The following FAM13A variants were observed in gnomAD, a reference collection of about 807,000 sequenced individuals.
The protein encoded by FAM13A is family with sequence similarity 13 member A, also known as protein FAM13A.
Under a neutral mutation model 129.6 loss-of-function variants are expected in FAM13A, and 76 were observed. That is an observed-to-expected ratio of 0.59 (90% confidence interval 0.49 to 0.71). The LOEUF is 0.71. Ranked by LOEUF, FAM13A falls within the 30% of genes least tolerant of loss-of-function variation. The pLI, the probability that FAM13A is intolerant of heterozygous loss-of-function variation, is 0.00. For synonymous variants in FAM13A, 443 were observed against 449.9 expected (o/e 0.98, Z 0.20); for missense variants, 1,108 against 1,249.3 (o/e 0.89, Z 1.70).
chr4:88,768,077 T>C lies in FAM13A; in HGVS notation c.1459-18A>G, dbSNP rs201752792. Reference sequence around the variant, plus strand: ...TCCATATTCTGTAACAGAACCATTATTGGTTGCCTAATAGGAATGGTAAGA... The same window carrying C: ...TCCATATTCTGTAACAGAACCATTACTGGTTGCCTAATAGGAATGGTAAGA... On this transcript the variant is annotated intron_variant, in intron 11 of 23. Coordinates refer to ENST00000264344, the MANE Select transcript of FAM13A (RefSeq NM_014883.4). 29 of 1,502,560 alleles carry C rather than the reference T, an allele frequency of 1.9e-5. No homozygotes were observed. Among genetic ancestry groups the C allele is most frequent in the Admixed American group, 3.4e-5 (2 of 59,602 alleles). 93.1% of individuals were successfully genotyped at this position (1,502,560 alleles called of 1,614,324 possible).
intron 5 of FAM13A, among the ~76,000 whole-genome samples, chr4:88,925,958 C>T (rs1385197280): frequency 6.6e-6 from 1 of 151,920 alleles, no homozygotes; most frequent in African/African-American, 2.4e-5. Flanking sequence ...TGGACCCGCA[C>T]CAACTTAACC....
At chr4:88,918,751 T>G (rs1451703338) in intron 5 of FAM13A, among the ~76,000 whole-genome samples, 1 of 152,224 alleles carries the variant, frequency 6.6e-6, no homozygotes, top group African/African-American at 2.4e-5. Flanking sequence ...AACTAAGCTT[T>G]GTGGCAGTGG....
At chr4:88,877,330 G>A (rs1742704248) in intron 6 of FAM13A, among the ~76,000 whole-genome samples, 1 of 152,114 alleles carries the variant, frequency 6.6e-6, no homozygotes, top group South Asian at 2.1e-4. Context: ...ATAATTCTAA[G>A]AAATGAATCT....
intron 6 of FAM13A, among the ~76,000 whole-genome samples, chr4:88,869,580 C>T (rs544549894): frequency 1.6e-3 from 241 of 152,332 alleles, no homozygotes; most frequent in Non-Finnish European, 3.1e-3. Flanking sequence ...TTAAATCAGG[C>T]ACCCTTGTTA....
chr4:88,925,573 G>A (rs1418832533), intron 5 of FAM13A, among the ~76,000 whole-genome samples: 2 of 130,536 alleles, frequency 1.5e-5, no homozygotes, highest in East Asian at 5.4e-4. Context: ...GGGGAGGGGG[G>A]AGGTATATCT....
intron 5 of FAM13A, among the ~76,000 whole-genome samples, chr4:88,909,497 T>TA (rs953326549): frequency 2.7e-4 from 41 of 152,120 alleles, no homozygotes; most frequent in African/African-American, 9.2e-4. Flanking sequence ...TTTTTTATTT[T>TA]TTTTTTTTGA....
intron 1 of FAM13A, among the ~76,000 whole-genome samples, chr4:89,043,189 G>C (rs888601312): frequency 9.2e-5 from 14 of 152,186 alleles, no homozygotes; most frequent in Non-Finnish European, 1.3e-4. Context: ...AGCTGAACAA[G>C]ACTCAGCTGA....
intron 4 of FAM13A, among the ~76,000 whole-genome samples, chr4:88,967,303 G>C (rs1433725275): frequency 6.6e-6 from 1 of 152,190 alleles, no homozygotes; most frequent in Non-Finnish European, 1.5e-5. Context: ...ACAGTATGGT[G>C]AGAATAACTG....
At chr4:89,043,385 G>A (rs757664711) in intron 1 of FAM13A, among the ~76,000 whole-genome samples, 1 of 152,090 alleles carries the variant, frequency 6.6e-6, no homozygotes, top group Non-Finnish European at 1.5e-5. Context: ...AGGAGAGATG[G>A]GCAAACAGAG....
intron 5 of FAM13A, among the ~76,000 whole-genome samples, chr4:88,935,561 C>G (rs954507511): frequency 2.0e-5 from 3 of 152,066 alleles, no homozygotes; most frequent in African/African-American, 7.2e-5. Flanking sequence ...AAAAAATGAA[C>G]AGAAAGATAA....
At chr4:88,915,516 T>C (rs771153353) in intron 5 of FAM13A, among the ~76,000 whole-genome samples, 3 of 152,218 alleles carry the variant, frequency 2.0e-5, no homozygotes, top group Admixed American at 6.5e-5. Context: ...TAGAACCTTA[T>C]GAATTATATA....
chr4:89,018,096 C>G (rs1307210063), intron 3 of FAM13A, among the ~76,000 whole-genome samples: 2 of 152,112 alleles, frequency 1.3e-5, no homozygotes, highest in African/African-American at 4.8e-5. Flanking sequence ...TTTCCTGTTG[C>G]ATCACTGTTA....
chr4:88,876,017 C>A, intron 6 of FAM13A, among the ~76,000 whole-genome samples: 1 of 152,170 alleles, frequency 6.6e-6, no homozygotes. Context: ...TGGAAACCAT[C>A]ATTCTCAGCA....
intron 6 of FAM13A, among the ~76,000 whole-genome samples, chr4:88,877,046 G>T (rs1352263158): frequency 6.6e-6 from 1 of 152,100 alleles, no homozygotes; most frequent in Non-Finnish European, 1.5e-5. Flanking sequence ...AATATAAATT[G>T]TAAGCTTACA....
At chr4:88,959,928 C>T (rs1758353340) in intron 4 of FAM13A, among the ~76,000 whole-genome samples, 1 of 152,282 alleles carries the variant, frequency 6.6e-6, no homozygotes, top group African/African-American at 2.4e-5. Flanking sequence ...CTCTGAACAC[C>T]TGCTTGCTTA....
chr4:88,908,535 T>C (rs1748533996), intron 5 of FAM13A, among the ~76,000 whole-genome samples: 1 of 152,242 alleles, frequency 6.6e-6, no homozygotes, highest in South Asian at 2.1e-4. Context: ...TATTTCTTTA[T>C]TCTATTTTCC....
rs779825117 is a variant in FAM13A at position 89,029,449 on chromosome 4, A to G, written c.217+11T>C. ...GTGAAAATGAACAGACTAAAGCATG[A>G]CTTAACTCACCATGCTGCGTCAAAT... On this transcript the variant is annotated intron_variant, in intron 2 of 23. Coordinates refer to ENST00000264344, the MANE Select transcript of FAM13A (RefSeq NM_014883.4). The G allele has an allele frequency of 1.3e-6, 2 of 1,587,806 alleles. No homozygotes were observed. The highest frequency in any genetic ancestry group is 8.6e-7 in the Non-Finnish European group (1 of 1,167,956).
intron 7 of FAM13A, among the ~76,000 whole-genome samples, chr4:88,842,811 GA>G (rs1425052902): frequency 2.6e-5 from 4 of 151,856 alleles, no homozygotes; most frequent in Non-Finnish European, 4.4e-5. Context: ...AACAGAATTA[GA>G]AAAAAAATTT....
chr4:88,941,686 TGG>T (rs1218100650), intron 4 of FAM13A, among the ~76,000 whole-genome samples: 1 of 151,786 alleles, frequency 6.6e-6, no homozygotes, highest in Non-Finnish European at 1.5e-5. Flanking sequence ...TGGTGGGGGG[TGG>T]GTCCCCTGTC....
Sources: allele counts gnomAD v4.1 joint callset (sites outside exome capture counted in the v4.1 genomes callset), GRCh38; gene constraint gnomAD v4.1.1; transcripts MANE v1.5; gene names NCBI Gene and HGNC (gene_info 2026-07-23, HGNC 2026-07-21).